KDM7A: variants seen among roughly 807,000 people sequenced by gnomAD.
KDM7A encodes lysine demethylase 7A, also known as lysine-specific demethylase 7A.
KDM7A carries 28 observed loss-of-function variants against 114.8 expected under a neutral mutation model. The observed-to-expected ratio is 0.24, with a 90% CI of 0.18 to 0.33. KDM7A has a LOEUF of 0.33. KDM7A is among the 10% of genes least tolerant of loss of function. The pLI, the probability that KDM7A is intolerant of heterozygous loss-of-function variation, is 1.00. For synonymous variants in KDM7A, 423 were observed against 397.8 expected, an observed-to-expected ratio of 1.06 and a Z score of -0.75; for missense variants, 942 against 1,142.5, an observed-to-expected ratio of 0.82 and a Z score of 2.53.
At chr7:140,147,710 T>A (rs979659514) in intron 1 of KDM7A, among the ~76,000 whole-genome samples, 4 of 152,204 alleles carry the variant, frequency 2.6e-5, no homozygotes, top group African/African-American at 9.6e-5. Context: ...TTGCTCTGCA[T>A]GTTTCCTTTC....
chr7:140,120,554 C>A, intron 7 of KDM7A, 25 bp from the exon 8 acceptor site: 1 of 1,429,458 alleles, frequency 7.0e-7, no homozygotes, highest in Non-Finnish European at 9.9e-7. Flanking sequence ...AATATATAAA[C>A]CAGTCATTTT....
chr7:140,161,310 A>C (rs1410119482), intron 1 of KDM7A, among the ~76,000 whole-genome samples: 1 of 152,218 alleles, frequency 6.6e-6, no homozygotes, highest in Non-Finnish European at 1.5e-5. Flanking sequence ...GTCCCCACAG[A>C]AAGTTTCCAA....
At chr7:140,153,994 C>T (rs1794430403) in intron 1 of KDM7A, among the ~76,000 whole-genome samples, 1 of 152,134 alleles carries the variant, frequency 6.6e-6, no homozygotes, top group South Asian at 2.1e-4. Flanking sequence ...AGACGCGTGC[C>T]TGTTATTTTT....
Position 140,150,827 on chromosome 7 carries a change from CTT to C in KDM7A, c.195-11639_195-11638del, listed in dbSNP as rs922394260. On this transcript the variant is annotated intron_variant, in intron 1 of 19. Transcript: ENST00000397560. ...TGAGTGTGGCCCAATAATCTCTGTT[CTT>C]TTTTTTTTTTTTTTTTTGAGACGAG... Among the ~76,000 whole-genome samples the C allele has an allele frequency of 1.9e-3, 239 of 127,824 alleles. 2 individuals are homozygous for C. Among genetic ancestry groups the C allele is most frequent in the African/African-American group, 6.2e-3 (213 of 34,088 alleles). 83.9% of individuals were successfully genotyped at this position (127,824 alleles called of 152,430 possible).
intron 7 of KDM7A, among the ~76,000 whole-genome samples, chr7:140,122,405 T>C (rs1208333191): frequency 2.0e-5 from 3 of 151,092 alleles, no homozygotes; most frequent in Non-Finnish European, 1.5e-5. Flanking sequence ...ATACCTAACA[T>C]AAAAGCAAGA....
chr7:140,094,242 C>T lies in KDM7A; in HGVS notation c.2375-104G>A, dbSNP rs180910167. The T allele has an allele frequency of 3.3e-4, 248 of 760,650 alleles. No homozygotes were observed. In the East Asian group the frequency reaches 3.9e-3, roughly 12 times the overall value. 47.1% of individuals were successfully genotyped at this position (760,650 alleles called of 1,614,324 possible). A position where few individuals can be genotyped will look rare whatever the true frequency, so the allele number is the denominator to read the frequency against. On this transcript the variant is annotated intron_variant, in intron 17 of 19. Transcript: ENST00000397560. The stretch of plus-strand genomic sequence containing the variant: ...AAAGCAGGTTGGGCGTGATGGCTCA[C>T]GCCTGTAATCCCAACACTTTGGGAG...
Position 140,133,318 on chromosome 7 carries a change from G to C in KDM7A, c.398+221C>G, listed in dbSNP as rs79640749. 1.3e-3 allele frequency among the ~76,000 whole-genome samples: 193 copies of C among 152,290 alleles called. 2 individuals carry two copies. The highest frequency in any genetic ancestry group is 4.5e-3 in the African/African-American group (185 of 41,564). ...TACAGGGTGACCCAGTGTGCACATAGATGTAACAAAAGTTCCATGAAAATA... is the reference window on the plus strand; with the variant it reads ...TACAGGGTGACCCAGTGTGCACATACATGTAACAAAAGTTCCATGAAAATA... On this transcript the variant is annotated intron_variant, in intron 3 of 19. Coordinates refer to ENST00000397560, the MANE Select transcript of KDM7A (RefSeq NM_030647.2).
intron 17 of KDM7A, among the ~76,000 whole-genome samples, chr7:140,095,180 A>G (rs1445247954): frequency 1.3e-5 from 2 of 152,158 alleles, no homozygotes; most frequent in Non-Finnish European, 2.9e-5. Flanking sequence ...CGCCTATTGT[A>G]TATGTAAAAC....
rs1324692914 is a variant in KDM7A at position 140,176,088 on chromosome 7, G to A, written c.194+656C>T. Among the ~76,000 whole-genome samples, 2 of 151,858 alleles carry A rather than the reference G, an allele frequency of 1.3e-5. No individual in the cohort carries two copies. Among genetic ancestry groups the A allele is most frequent in the African/African-American group, 2.4e-5 (1 of 41,392 alleles). ...CGGCACCTTTCAAGTCCCCGAGAGC[G>A]AGTGCCTCATCTGTTGCTCTGTTTA... On this transcript the variant is annotated intron_variant, in intron 1 of 19. Transcript: ENST00000397560. This position sits in a 1 kb window ranked among gnomAD's most constrained non-coding sequence, Gnocchi z 4.4.
At chr7:140,095,610 G>A (rs1209477407) in intron 17 of KDM7A, 1 of 274,806 alleles carries the variant, frequency 3.6e-6, no homozygotes, top group Non-Finnish European at 7.3e-6. Flanking sequence ...AGGCATGGTG[G>A]CTCACACCTG....
At chr7:140,106,898 C>T (rs1818346573) in intron 11 of KDM7A, among the ~76,000 whole-genome samples, 1 of 151,994 alleles carries the variant, frequency 6.6e-6, no homozygotes, top group African/African-American at 2.4e-5. Flanking sequence ...TTGAAGTCTC[C>T]CATTATTATT....
rs756569399 is a variant in KDM7A, at chr7:140,102,177, CAG to C, written c.1429-19_1429-18del. ...GTTTTCCTCCTTTAAGAATTAAAAT[CAG>C]AGTATTTTTATAAGAAGGCTGTTAC... On this transcript the variant is annotated intron_variant, in intron 11 of 19. Coordinates refer to ENST00000397560, the MANE Select transcript of KDM7A (RefSeq NM_030647.2). The C allele has an allele frequency of 1.9e-6, 3 of 1,574,438 alleles. No individual in the cohort carries two copies. Among genetic ancestry groups the C allele is most frequent in the Non-Finnish European group, 2.6e-6 (3 of 1,144,138 alleles).
chr7:140,152,132 A>C (rs1339008304), intron 1 of KDM7A, among the ~76,000 whole-genome samples: 4 of 152,196 alleles, frequency 2.6e-5, no homozygotes, highest in Non-Finnish European at 5.9e-5. Flanking sequence ...CCAAGCCAAG[A>C]GAAAGCATTC....
chr7:140,143,565 T>C (rs1794309288), intron 1 of KDM7A, among the ~76,000 whole-genome samples: 1 of 152,146 alleles, frequency 6.6e-6, no homozygotes, highest in Non-Finnish European at 1.5e-5. Flanking sequence ...TGTAAAAAAT[T>C]AGGTAAACAA....
chr7:140,112,298 AG>A (rs890139135), intron 10 of KDM7A, among the ~76,000 whole-genome samples: 3 of 152,200 alleles, frequency 2.0e-5, no homozygotes, highest in African/African-American at 7.2e-5. Context: ...TTTTATTTCA[AG>A]GGGACATTCA....
At chr7:140,142,051 C>CAT (rs370539990) in intron 1 of KDM7A, among the ~76,000 whole-genome samples, 11 of 145,068 alleles carry the variant, frequency 7.6e-5, no homozygotes, top group Non-Finnish European at 1.2e-4. Context: ...ATTTATATAT[C>CAT]ATATATATAT....
intron 18 of KDM7A, 59 bp downstream of exon 18, chr7:140,093,996 CA>C (rs2116735895): frequency 1.9e-6 from 2 of 1,078,708 alleles, no homozygotes; most frequent in East Asian, 2.4e-5. Flanking sequence ...AAAAAGAAAG[CA>C]AAAACAACGT....
chr7:140,115,777 C>A, intron 9 of KDM7A, among the ~76,000 whole-genome samples: 1 of 136,662 alleles, frequency 7.3e-6, no homozygotes, highest in Non-Finnish European at 1.6e-5. Flanking sequence ...GAGAAACACC[C>A]AAGAATTATC....
At chr7:140,100,048 CT>C (rs1562945651) in intron 12 of KDM7A, 25 bp from the exon 13 acceptor site, 1 of 1,613,480 alleles carries the variant, frequency 6.2e-7, no homozygotes, top group Admixed American at 1.7e-5. Flanking sequence ...GCAGAACTTA[CT>C]TACCATCCAC....
Sources: gnomAD v4.1 joint callset for allele counts (sites outside exome capture counted in the v4.1 genomes callset) on GRCh38, gnomAD v4.1.1 for gene constraint, Gnocchi (gnomAD v3.1) non-coding constraint, MANE v1.5 for transcripts, NCBI Gene and HGNC (gene_info 2026-07-23, HGNC 2026-07-21) for gene names.